The following PRKG1 variants were observed in gnomAD, a reference collection of about 807,000 sequenced individuals.
PRKG1 encodes the protein protein kinase cGMP-dependent 1.
PRKG1 carries 35 observed loss-of-function variants against 88.1 expected under a neutral mutation model. That is an observed-to-expected ratio of 0.40 (90% confidence interval 0.30 to 0.53). The LOEUF is 0.53. Ranked by LOEUF, PRKG1 falls within the 20% of genes least tolerant of loss-of-function variation. The probability of loss-of-function intolerance (pLI) is 0.59; values close to 1 mark genes in which losing one functional copy is unlikely to be tolerated. For missense variants in PRKG1, 540 were observed against 839.8 expected (o/e 0.64, Z 4.41); for synonymous variants, 303 against 292.5 (o/e 1.04, Z -0.37).
chr10:51,120,115 A>G (rs1210242404), intron 1 of PRKG1, among the ~76,000 whole-genome samples: 5 of 152,098 alleles, frequency 3.3e-5, no homozygotes, highest in Non-Finnish European at 7.4e-5. Flanking sequence ...GCATTTTATT[A>G]TTTTTTGAAA....
intron 3 of PRKG1, among the ~76,000 whole-genome samples, chr10:51,709,219 T>A: frequency 6.6e-6 from 1 of 152,242 alleles, no homozygotes; most frequent in East Asian, 1.9e-4. Context: ...ATTCACAGTT[T>A]TTAGAAAGTT....
intron 7 of PRKG1, among the ~76,000 whole-genome samples, chr10:52,099,687 A>G (rs909062183): frequency 1.3e-5 from 2 of 152,224 alleles, no homozygotes; most frequent in African/African-American, 4.8e-5. Context: ...AGGGTCATCT[A>G]TAAGATGTTA....
intron 12 of PRKG1, among the ~76,000 whole-genome samples, chr10:52,274,046 G>T (rs1157280953): frequency 6.6e-6 from 1 of 151,980 alleles, no homozygotes; most frequent in African/African-American, 2.4e-5. Flanking sequence ...TAGAATAGAA[G>T]AAGATTTACA....
intron 2 of PRKG1, among the ~76,000 whole-genome samples, chr10:51,242,784 C>T (rs891363517): frequency 2.0e-5 from 3 of 152,030 alleles, no homozygotes; most frequent in African/African-American, 7.2e-5. Context: ...GATTAATTAG[C>T]TTGGTGGGAT....
intron 2 of PRKG1, among the ~76,000 whole-genome samples, chr10:51,328,209 A>G (rs1416102293): frequency 2.6e-5 from 4 of 152,192 alleles, no homozygotes; most frequent in Non-Finnish European, 5.9e-5. Flanking sequence ...GATTCTACAT[A>G]TAAGTGAGAT....
intron 1 of PRKG1, among the ~76,000 whole-genome samples, chr10:51,075,509 A>G (rs1466649703): frequency 6.6e-6 from 1 of 152,262 alleles, no homozygotes. Context: ...CCATAAATGG[A>G]AGACTAGTCT....
At chr10:51,887,653 G>A (rs1841606671) in intron 4 of PRKG1, among the ~76,000 whole-genome samples, 1 of 152,140 alleles carries the variant, frequency 6.6e-6, no homozygotes, top group African/African-American at 2.4e-5. Flanking sequence ...TTTTGTTGTG[G>A]TTTGGATTTA....
intron 1 of PRKG1, among the ~76,000 whole-genome samples, chr10:51,104,309 CT>C: frequency 6.6e-6 from 1 of 152,100 alleles, no homozygotes; most frequent in Non-Finnish European, 1.5e-5. Flanking sequence ...TGTAACAAGC[CT>C]TATGGAATGG....
chr10:51,281,334 G>T (rs1405739145), intron 2 of PRKG1, among the ~76,000 whole-genome samples: 5 of 152,118 alleles, frequency 3.3e-5, no homozygotes, highest in Admixed American at 3.3e-4. Context: ...GAGGCAGTCT[G>T]TCCATTCTCA....
At chr10:51,119,805 T>G (rs1845218025) in intron 1 of PRKG1, among the ~76,000 whole-genome samples, 1 of 152,120 alleles carries the variant, frequency 6.6e-6, no homozygotes, top group South Asian at 2.1e-4. Context: ...AATAAGACTT[T>G]GGATTCGTAT....
chr10:51,233,027 C>T (rs1838887960), intron 2 of PRKG1, among the ~76,000 whole-genome samples: 1 of 152,132 alleles, frequency 6.6e-6, no homozygotes, highest in Non-Finnish European at 1.5e-5. Context: ...AACTGCAGTG[C>T]AGTGTACAAA....
intron 5 of PRKG1, among the ~76,000 whole-genome samples, chr10:51,950,688 T>G (rs73337276): frequency 0.028 from 4,192 of 152,352 alleles, 199 homozygotes; most frequent in African/African-American, 0.095. Flanking sequence ...TTAGTTCCAC[T>G]ATCCATGGAC....
At chr10:51,697,983 T>C in intron 3 of PRKG1, 1 of 1,609,408 alleles carries the variant, frequency 6.2e-7, no homozygotes, top group Non-Finnish European at 8.5e-7. Context: ...CCTCCTTGTA[T>C]GCCTGCTCCC....
chr10:51,325,685 A>T (rs1841572421), intron 2 of PRKG1, among the ~76,000 whole-genome samples: 2 of 152,132 alleles, frequency 1.3e-5, no homozygotes, highest in Non-Finnish European at 2.9e-5. Flanking sequence ...AAAAATCTTG[A>T]CCCAGGCCAA....
chr10:51,710,628 G>T (rs141949649), intron 3 of PRKG1, among the ~76,000 whole-genome samples: 1 of 152,146 alleles, frequency 6.6e-6, no homozygotes, highest in African/African-American at 2.4e-5. Context: ...ACCTTAAAGC[G>T]TAATTTCTTG....
chr10:51,813,350 C>T (rs530418409), intron 4 of PRKG1, among the ~76,000 whole-genome samples: 1 of 152,142 alleles, frequency 6.6e-6, no homozygotes, highest in East Asian at 1.9e-4. Flanking sequence ...TTGCACCAAC[C>T]TAATATAATC....
At chr10:51,363,533 T>A (rs1477428933) in intron 2 of PRKG1, among the ~76,000 whole-genome samples, 1 of 151,930 alleles carries the variant, frequency 6.6e-6, no homozygotes, top group Admixed American at 6.6e-5. Flanking sequence ...AATAGAGGTG[T>A]CAAATAATAC....
intron 1 of PRKG1, among the ~76,000 whole-genome samples, chr10:51,093,986 T>C (rs1844463117): frequency 1.3e-5 from 2 of 151,702 alleles, no homozygotes; most frequent in Non-Finnish European, 2.9e-5. Flanking sequence ...TGTTTGTCCA[T>C]GTAAGCTCAC....
intron 5 of PRKG1, among the ~76,000 whole-genome samples, chr10:51,948,371 T>C (rs16925100): frequency 0.11 from 17,011 of 152,168 alleles, 1,199 homozygotes; most frequent in East Asian, 0.35. Context: ...TATAGTTTGT[T>C]GCCCATTAAT....
Sources: gnomAD v4.1 joint callset for allele counts (sites outside exome capture counted in the v4.1 genomes callset) on GRCh38, gnomAD v4.1.1 for gene constraint, MANE v1.5 for transcripts, NCBI Gene and HGNC (gene_info 2026-07-23, HGNC 2026-07-21) for gene names.